FNTB: variants seen among roughly 807,000 people sequenced by gnomAD.
FNTB encodes farnesyltransferase, CAAX box, subunit beta, also known as protein farnesyltransferase subunit beta.
In FNTB, 27 loss-of-function variants were observed where a neutral mutation model predicts 59.4. The observed-to-expected ratio is 0.45, with a 90% CI of 0.34 to 0.63. The LOEUF (loss-of-function observed/expected upper bound fraction) is 0.63, where lower values mean the gene tolerates loss of function less well. FNTB is among the 20% of genes least tolerant of loss of function. The probability of loss-of-function intolerance (pLI) is 0.02; values close to 1 mark genes in which losing one functional copy is unlikely to be tolerated. For missense variants in FNTB, 449 were observed against 559.6 expected, an observed-to-expected ratio of 0.80 and a Z score of 1.99; for synonymous variants, 230 against 220.7, an observed-to-expected ratio of 1.04 and a Z score of -0.37.
At chr14:65,013,138 A>G (rs937943424) in intron 3 of FNTB, among the ~76,000 whole-genome samples, 3 of 152,088 alleles carry the variant, frequency 2.0e-5, no homozygotes, top group Non-Finnish European at 4.4e-5. Flanking sequence ...TGGGTTCCAC[A>G]TTTGATTATT....
chr14:64,987,361 G>A, intron 1 of FNTB: 1 of 542,414 alleles, frequency 1.8e-6, no homozygotes, highest in Non-Finnish European at 3.3e-6. Context: ...TAAAGAACGA[G>A]AAGAATCGTG....
chr14:64,988,613 T>C (rs961995391), intron 1 of FNTB, among the ~76,000 whole-genome samples: 8 of 152,188 alleles, frequency 5.3e-5, no homozygotes, highest in Admixed American at 2.6e-4. Flanking sequence ...TTTTGTATTT[T>C]AGTAGAGACA....
intron 2 of FNTB, among the ~76,000 whole-genome samples, chr14:65,010,256 C>G (rs1019890093): frequency 6.6e-6 from 1 of 152,218 alleles, no homozygotes; most frequent in Non-Finnish European, 1.5e-5. Context: ...TCCTCCAAAC[C>G]CTTAGAGATG....
rs566909773 is a variant in FNTB at position 65,023,542 on chromosome 14, A to C, written c.375-3911A>C. ...AGCAGAACTTTCTGTGATAATGAAA[A>C]TGTTCTATATTCTGTAAATGTCTAT... On this transcript the variant is annotated intron_variant, in intron 4 of 11. Transcript: ENST00000246166. This position sits in a 1 kb window ranked among gnomAD's most constrained non-coding sequence, Gnocchi z 4.1. 5.3e-5 allele frequency among the ~76,000 whole-genome samples: 8 copies of C among 152,344 alleles called. No individual in the cohort carries two copies. The highest frequency in any genetic ancestry group is 1.9e-4 in the African/African-American group (8 of 41,588).
chr14:65,053,395 G>A, intron 10 of FNTB, 46 bp downstream of exon 10: 1 of 1,348,678 alleles, frequency 7.4e-7, no homozygotes. Context: ...GGAGGAGAGA[G>A]CAGAGGGGCG....
rs192415586 is a variant in FNTB at position 65,002,469 on chromosome 14, C to T, written c.145-1780C>T. ...ACTAAAACTACAAAAATTAGCTGGG[C>T]GGGGTGGTGGGCACCTGTAATCCTA... is the stretch of plus-strand genomic sequence containing the variant. On this transcript the variant is annotated intron_variant, in intron 1 of 11. Coordinates refer to ENST00000246166, the MANE Select transcript of FNTB (RefSeq NM_002028.4). Among the ~76,000 whole-genome samples, 600 of 152,110 alleles carry T rather than the reference C, an allele frequency of 3.9e-3. 5 individuals carry two copies. Among genetic ancestry groups the T allele is most frequent in the African/African-American group, 0.013 (554 of 41,512 alleles).
In FNTB at chr14:65,061,633, ATC is replaced by A; in HGVS notation, c.*323_*324del. 3.9e-6 allele frequency: 1 copy of A among 259,170 alleles called. No individual in the cohort carries two copies. The highest frequency in any genetic ancestry group is 7.7e-6 in the Non-Finnish European group (1 of 129,044). 16.1% of individuals were successfully genotyped at this position (259,170 alleles called of 1,614,324 possible). ...GGACGATCACACAGAGATGAATGGCATCTGAGTATTACGGCATCCAGAGCCAC... is the reference window on the plus strand; with the variant it reads ...GGACGATCACACAGAGATGAATGGCATGAGTATTACGGCATCCAGAGCCAC... On this transcript the variant is annotated 3_prime_UTR_variant, in exon 12 of 12. Transcript: ENST00000246166.
Position 65,012,185 on chromosome 14 carries a change from G to A in FNTB, c.210-132G>A. The A allele has an allele frequency of 9.2e-7, 1 of 1,085,878 alleles. No individual in the cohort carries two copies. 67.3% of individuals were successfully genotyped at this position (1,085,878 alleles called of 1,614,324 possible). On this transcript the variant is annotated intron_variant, in intron 2 of 11. Coordinates refer to ENST00000246166, the MANE Select transcript of FNTB (RefSeq NM_002028.4). This position sits in a 1 kb window ranked among gnomAD's most constrained non-coding sequence, Gnocchi z 5.0. ...CTCTTTGGAACCAGAGAAGTTGCTG[G>A]TTATCCAGTCAGTGATTGCAGGGGG...
intron 7 of FNTB, among the ~76,000 whole-genome samples, chr14:65,038,543 C>A (rs1185646213): frequency 2.6e-5 from 4 of 151,674 alleles, no homozygotes; most frequent in Non-Finnish European, 5.9e-5. Context: ...CATGGTGAAA[C>A]CCTGTCTTTA....
At chr14:65,013,174 T>G (rs1421997162) in intron 3 of FNTB, among the ~76,000 whole-genome samples, 3 of 152,218 alleles carry the variant, frequency 2.0e-5, no homozygotes, top group Non-Finnish European at 2.9e-5. Flanking sequence ...CCAACTCAAA[T>G]GCCTGTAGGG....
rs1888133324 is a variant in FNTB, at chr14:64,990,087, G to A, written c.144+2990G>A. Among the ~76,000 whole-genome samples the A allele has an allele frequency of 1.3e-5, 2 of 152,188 alleles. No individual in the cohort carries two copies. The highest frequency in any genetic ancestry group is 1.3e-4 in the Admixed American group (2 of 15,280). ...GGGCAGAGAAAGCAGCAAGCACAAA[G>A]GACCAAGGCAGCAGAATGCCAGGTG... On this transcript the variant is annotated intron_variant, in intron 1 of 11. Transcript: ENST00000246166. The surrounding 1 kb of genome is among the most constrained non-coding windows in gnomAD (Gnocchi z 5.2).
chr14:65,004,354 C>G (rs2139478410), intron 2 of FNTB, 41 bp downstream of exon 2: 3 of 1,590,394 alleles, frequency 1.9e-6, no homozygotes, highest in Non-Finnish European at 2.6e-6. Context: ...TGGGAGAACA[C>G]CACCATGCAG....
chr14:65,048,835 A>G (rs1039670714), intron 9 of FNTB, among the ~76,000 whole-genome samples: 2 of 152,022 alleles, frequency 1.3e-5, no homozygotes, highest in Admixed American at 6.6e-5. Context: ...TGAGCGACAG[A>G]GCAAGACTTT....
At chr14:65,026,265 T>C (rs1439735378) in intron 4 of FNTB, among the ~76,000 whole-genome samples, 3 of 152,188 alleles carry the variant, frequency 2.0e-5, no homozygotes, top group African/African-American at 7.2e-5. Flanking sequence ...CCCTTTCTGG[T>C]GCACTTCGGA....
At chr14:64,992,967 C>T (rs1213294420) in intron 1 of FNTB, among the ~76,000 whole-genome samples, 2 of 152,162 alleles carry the variant, frequency 1.3e-5, no homozygotes, top group Non-Finnish European at 2.9e-5. Flanking sequence ...TCTTGACTAG[C>T]TGGAACTACT....
chr14:64,987,264 C>A, intron 1 of FNTB, 167 bp downstream of exon 1: 1 of 777,734 alleles, frequency 1.3e-6, no homozygotes, highest in Non-Finnish European at 2.0e-6. Context: ...TGGGCTTCGT[C>A]GTGGAGCGTT....
rs1356565565 is a variant in FNTB, at chr14:65,015,719, G to T, written c.374+3G>T. The T allele has an allele frequency of 6.2e-7, 1 of 1,613,716 alleles. No homozygotes were observed. The highest frequency in any genetic ancestry group is 1.7e-5 in the Admixed American group (1 of 59,954). Reference sequence around the variant, plus strand: ...ATCCCCCAGATAGTGGCTACAGAGTGAGTCTGTCTTTGGGAAATCTGGGGT... The same window carrying T: ...ATCCCCCAGATAGTGGCTACAGAGTTAGTCTGTCTTTGGGAAATCTGGGGT... On this transcript the variant is annotated splice_donor_region_variant and intron_variant, in intron 4 of 11. Transcript: ENST00000246166.
In FNTB at chr14:65,032,634, A is replaced by G; in HGVS notation, c.630A>G (p.Val210=). The G allele has an allele frequency of 6.2e-7, 1 of 1,613,996 alleles. No homozygotes were observed. The highest frequency in any genetic ancestry group is 8.5e-7 in the Non-Finnish European group (1 of 1,180,010). The change falls in exon 7 of 12, where the codon GTA becomes GTG. Residue 210 remains valine (V), a synonymous_variant. Transcript: ENST00000246166. The surrounding 1 kb of genome is among the most constrained non-coding windows in gnomAD (Gnocchi z 5.0). ...DVRSAYCAAS[V]ASLTNIITPD... ...GAAGCGCATACTGTGCTGCCTCCGT[A>G]GCCTCGCTGACCAACATCATCACTC...
chr14:65,031,638 A>T lies in FNTB; in HGVS notation c.606-972A>T, dbSNP rs574004511. Among the ~76,000 whole-genome samples the T allele has an allele frequency of 8.3e-4, 126 of 151,896 alleles. 1 individual carries two copies. Among genetic ancestry groups the T allele is most frequent in the African/African-American group, 2.9e-3 (121 of 41,498 alleles). Reference sequence around the variant, plus strand: ...GCCTAATAATGCTTTTTTAAAAAATAGCCCGGGCGCGGTGGCTTATGCCTG... The same window carrying T: ...GCCTAATAATGCTTTTTTAAAAAATTGCCCGGGCGCGGTGGCTTATGCCTG... On this transcript the variant is annotated intron_variant, in intron 6 of 11. Coordinates refer to ENST00000246166, the MANE Select transcript of FNTB (RefSeq NM_002028.4). This position sits in a 1 kb window ranked among gnomAD's most constrained non-coding sequence, Gnocchi z 4.6.
Sources: gnomAD v4.1 joint callset for allele counts (sites outside exome capture counted in the v4.1 genomes callset) on GRCh38, gnomAD v4.1.1 for gene constraint, Gnocchi (gnomAD v3.1) non-coding constraint, MANE v1.5 for transcripts, NCBI Gene and HGNC (gene_info 2026-07-23, HGNC 2026-07-21) for gene names.